Variants in BAZ1A observed in about 807,000 individuals in gnomAD.
BAZ1A encodes bromodomain adjacent to zinc finger domain 1A, also known as bromodomain adjacent to zinc finger domain protein 1A.
A neutral mutation model predicts 185.2 loss-of-function variants in BAZ1A; 50 were observed. The observed-to-expected ratio is 0.27, with a 90% CI of 0.22 to 0.34. BAZ1A has a LOEUF of 0.34. Ranked by LOEUF, BAZ1A falls within the 10% of genes least tolerant of loss-of-function variation. The pLI, the probability that BAZ1A is intolerant of heterozygous loss-of-function variation, is 1.00. For missense variants in BAZ1A, 1,356 were observed against 1,839.9 expected, an observed-to-expected ratio of 0.74 and a Z score of 4.81; for synonymous variants, 571 against 615.6, an observed-to-expected ratio of 0.93 and a Z score of 1.07.
chr14:34,867,772 C>A (rs2383679), intron 2 of BAZ1A, among the ~76,000 whole-genome samples: 22,062 of 152,112 alleles, frequency 0.15, 1,798 homozygotes, highest in Middle Eastern at 0.19. Context: ...TACTCATAAC[C>A]CCCTAACAGC....
At chr14:34,863,157 T>A (rs1353372068) in intron 2 of BAZ1A, among the ~76,000 whole-genome samples, 9,029 of 98,966 alleles carry the variant, frequency 0.091, 728 homozygotes, top group South Asian at 0.2. Context: ...CTCGGCTTTT[T>A]TTTTTTTTTT....
At chr14:34,844,783 A>ACACACGCG (rs913818316) in intron 3 of BAZ1A, among the ~76,000 whole-genome samples, 5 of 27,014 alleles carry the variant, frequency 1.9e-4, no homozygotes, top group African/African-American at 5.0e-4. Flanking sequence ...ACGCGCACAC[A>ACACACGCG]CACACACACA....
At chr14:34,818,325 G>A (rs1339899093) in intron 4 of BAZ1A, among the ~76,000 whole-genome samples, 1 of 152,154 alleles carries the variant, frequency 6.6e-6, no homozygotes, top group Non-Finnish European at 1.5e-5. Flanking sequence ...CTAGGGGCTG[G>A]GAGGAGGGAG....
intron 2 of BAZ1A, among the ~76,000 whole-genome samples, chr14:34,863,569 G>T (rs1043556516): frequency 6.6e-6 from 1 of 151,932 alleles, no homozygotes; most frequent in Non-Finnish European, 1.5e-5. Context: ...GCCTCCCAAA[G>T]TGCTGGGATT....
At position 34,832,215 on chromosome 14, in the gene BAZ1A, C is replaced by CACACACACACACACACACACACATATAT; in HGVS notation, c.393-6060_393-6059insATATATGTGTGTGTGTGTGTGTGTGTGT. Among the ~76,000 whole-genome samples, 49 of 89,704 alleles carry CACACACACACACACACACACACATATAT rather than the reference C, an allele frequency of 5.5e-4. 2 individuals are homozygous for CACACACACACACACACACACACATATAT. Among genetic ancestry groups the CACACACACACACACACACACACATATAT allele is most frequent in the South Asian group, 9.8e-4 (2 of 2,034 alleles). 58.8% of individuals were successfully genotyped at this position (89,704 alleles called of 152,430 possible). A position where few individuals can be genotyped will look rare whatever the true frequency, so the allele number is the denominator to read the frequency against. On this transcript the variant is annotated intron_variant, in intron 3 of 26. Coordinates refer to ENST00000360310, the MANE Select transcript of BAZ1A (RefSeq NM_013448.3). Reference sequence around the variant, plus strand: ...ATACACACACACACACACACACACACATATATATATATATATGTATGTATG... The same window carrying CACACACACACACACACACACACATATAT: ...ATACACACACACACACACACACACACACACACACACACACACACACACATATATATATATATATATATATGTATGTATG...
chr14:34,869,451 C>T lies in BAZ1A; in HGVS notation c.113+5041G>A, dbSNP rs562067809. Reference sequence around the variant, plus strand: ...CAGAAAGAGACAGAACTATCTCAAACATCTGAAGATATTTCTTCTTGTCAG... The same window carrying T: ...CAGAAAGAGACAGAACTATCTCAAATATCTGAAGATATTTCTTCTTGTCAG... On this transcript the variant is annotated intron_variant, in intron 2 of 26. Coordinates refer to ENST00000360310, the MANE Select transcript of BAZ1A (RefSeq NM_013448.3). Among the ~76,000 whole-genome samples the T allele has an allele frequency of 2.0e-5, 3 of 152,282 alleles. No homozygotes were observed. The East Asian group carries it at 5.8e-4, about 29-fold the overall frequency.
intron 14 of BAZ1A, among the ~76,000 whole-genome samples, chr14:34,784,555 A>T (rs9743779): frequency 0.74 from 111,942 of 151,242 alleles, 42,172 homozygotes; most frequent in East Asian, 0.97. Context: ...TCTCGCTCTG[A>T]CGCCCAGGCT....
At chr14:34,785,697 T>G in intron 14 of BAZ1A, 80 bp downstream of exon 14, 1 of 1,185,080 alleles carries the variant, frequency 8.4e-7, no homozygotes, top group Non-Finnish European at 1.2e-6. Flanking sequence ...ATTGTAAAAT[T>G]TCTCATCAGC....
At chr14:34,790,424 G>C (rs1175095390) in intron 12 of BAZ1A, among the ~76,000 whole-genome samples, 1 of 152,130 alleles carries the variant, frequency 6.6e-6, no homozygotes, top group Non-Finnish European at 1.5e-5. Context: ...CGTGATCTCG[G>C]ATCACTGCAA....
rs2138615729 is a variant in BAZ1A, at chr14:34,785,892, T to C, written c.1716A>G (p.Arg572=). 1 of 1,614,130 alleles carries C rather than the reference T, an allele frequency of 6.2e-7. No homozygotes were observed. Among genetic ancestry groups the C allele is most frequent in the East Asian group, 2.2e-5 (1 of 44,878 alleles). The part of the protein sequence containing the change: ...ADVTSANAKY[R]YQKRGGFDAT... ...CATCAAATCCTCCTCGTTTTTGATATCTATACTTTGCATTTGCTGATGTTA... is the reference window on the plus strand; with the variant it reads ...CATCAAATCCTCCTCGTTTTTGATACCTATACTTTGCATTTGCTGATGTTA... Residue 572 remains arginine, a synonymous_variant, in exon 14 of 27, where the codon AGA becomes AGG. Coordinates refer to ENST00000360310, the MANE Select transcript of BAZ1A (RefSeq NM_013448.3).
intron 2 of BAZ1A, among the ~76,000 whole-genome samples, chr14:34,870,430 T>C (rs940825644): frequency 1.2e-4 from 19 of 152,212 alleles, no homozygotes; most frequent in Non-Finnish European, 2.5e-4. Context: ...CCTTTGATTA[T>C]AACTAGATTT....
At chr14:34,774,154 C>T (rs1171770139) in intron 19 of BAZ1A, among the ~76,000 whole-genome samples, 173 bp downstream of exon 19, 3 of 152,078 alleles carry the variant, frequency 2.0e-5, no homozygotes, top group Non-Finnish European at 4.4e-5. Flanking sequence ...ATGAAAATAT[C>T]GGAAAAAATA....
intron 6 of BAZ1A, among the ~76,000 whole-genome samples, chr14:34,807,189 T>G (rs572648072): frequency 1.3e-5 from 2 of 151,400 alleles, no homozygotes; most frequent in Admixed American, 1.3e-4. Context: ...ACCTGATAAC[T>G]TTTCTTTTTC....
chr14:34,820,126 T>C (rs1215286328), intron 4 of BAZ1A, among the ~76,000 whole-genome samples: 3 of 141,550 alleles, frequency 2.1e-5, no homozygotes, highest in Non-Finnish European at 4.6e-5. Context: ...TTCCTCGTTT[T>C]TTTTTTTTTT....
At chr14:34,796,598 C>G (rs1183766167) in intron 9 of BAZ1A, among the ~76,000 whole-genome samples, 1 of 152,140 alleles carries the variant, frequency 6.6e-6, no homozygotes, top group East Asian at 1.9e-4. Context: ...TTTTGAAACC[C>G]TTACTTTTTG....
chr14:34,794,850 G>A lies in BAZ1A; in HGVS notation c.1262C>T (p.Pro421Leu). 1 of 1,614,036 alleles carries A rather than the reference G, an allele frequency of 6.2e-7. No homozygotes were observed. Among genetic ancestry groups the A allele is most frequent in the Non-Finnish European group, 8.5e-7 (1 of 1,179,958 alleles). Residue 421 changes from proline (P) to leucine (L), a missense_variant, in exon 11 of 27, where the codon CCT becomes CTT. Coordinates refer to ENST00000360310, the MANE Select transcript of BAZ1A (RefSeq NM_013448.3). ...CAGAGCATCACCAAAGATTTCAGGA[G>A]GTAGTCTAGTTTTCACTGGTGTTGG... is the stretch of plus-strand genomic sequence containing the variant. ...PEPTPVKTRL[P>L]PEIFGDALMV... is the part of the protein sequence containing the mutation.
At position 34,811,136 on chromosome 14, in the gene BAZ1A, A is replaced by G. The variant is rs1336118177; in HGVS notation, c.537-100T>C. 16 of 853,440 alleles carry G rather than the reference A, an allele frequency of 1.9e-5. No individual in the cohort carries two copies. The East Asian group carries it at 3.7e-4, about 20-fold the overall frequency. 52.9% of individuals were successfully genotyped at this position (853,440 alleles called of 1,614,324 possible). On this transcript the variant is annotated intron_variant, in intron 4 of 26. Transcript: ENST00000360310. ...TAAGAATATACTATAATAAAATCACATATTTCAAAATTTTTTTTTGTTTTT... is the reference window on the plus strand; with the variant it reads ...TAAGAATATACTATAATAAAATCACGTATTTCAAAATTTTTTTTTGTTTTT...
intron 3 of BAZ1A, among the ~76,000 whole-genome samples, chr14:34,836,050 T>C (rs1260206730): frequency 1.3e-5 from 2 of 151,850 alleles, no homozygotes; most frequent in Non-Finnish European, 2.9e-5. Flanking sequence ...TTTAAATTTA[T>C]ATCTCAAAAA....
chr14:34,762,699 G>C (rs1886575795), intron 23 of BAZ1A, among the ~76,000 whole-genome samples: 1 of 152,030 alleles, frequency 6.6e-6, no homozygotes, highest in African/African-American at 2.4e-5. Context: ...CAAACTCCTG[G>C]ACTCAGGCGA....
Sources: allele counts gnomAD v4.1 joint callset (sites outside exome capture counted in the v4.1 genomes callset), GRCh38; gene constraint gnomAD v4.1.1; transcripts MANE v1.5; gene names NCBI Gene and HGNC (gene_info 2026-07-23, HGNC 2026-07-21).